NLGN2: variants seen among roughly 807,000 people sequenced by gnomAD.
The protein encoded by NLGN2 is neuroligin-2.
In NLGN2, 11 loss-of-function variants were observed where a neutral mutation model predicts 48.6. The ratio of observed to expected loss-of-function variants is 0.23; its 90% confidence interval spans 0.14 to 0.37. The LOEUF is 0.37. Among genes scored for constraint, NLGN2 ranks in the 10% least tolerant of loss-of-function variants. The pLI is 1.00. For missense variants in NLGN2, 801 were observed against 1,225.2 expected (o/e 0.65, Z 5.17); for synonymous variants, 548 against 550.0 (o/e 1.00, Z 0.05).
Position 7,419,320 on chromosome 17 carries a change from T to C in NLGN2, c.*1521T>C, listed in dbSNP as rs528580851. ...CAGGAATAATTTGAAATGTGTGAGG[T>C]GACTCCCCGGAGGGCCTTGGGCTTG... On this transcript the variant is annotated 3_prime_UTR_variant, in exon 7 of 7. Transcript: ENST00000302926. The C allele has an allele frequency of 6.5e-4, 100 of 152,730 alleles. No individual in the cohort carries two copies. Among genetic ancestry groups the C allele is most frequent in the Non-Finnish European group, 8.7e-4 (59 of 68,162 alleles). The allele number at this position is 152,730 out of a possible 1,614,324, so 9.5% of individuals were successfully genotyped here.
chr17:7,409,215 A>G (rs1470534265), intron 1 of NLGN2, among the ~76,000 whole-genome samples: 5 of 152,078 alleles, frequency 3.3e-5, no homozygotes, highest in African/African-American at 1.2e-4. Context: ...CCTTCCATCT[A>G]TCACATCATG....
At position 7,408,225 on chromosome 17, in the gene NLGN2, C is replaced by T; in HGVS notation, c.-31C>T. ...TCTCTCTCTCCGAGGGGGGGGGGTC[C>T]CAGGGAGGGAGGGGGGGTCCCCCGA... On this transcript the variant is annotated 5_prime_UTR_variant, in exon 1 of 7. Transcript: ENST00000302926. This position sits in a 1 kb window ranked among gnomAD's most constrained non-coding sequence, Gnocchi z 7.5. The T allele has an allele frequency of 2.5e-6, 3 of 1,185,426 alleles. No homozygotes were observed. Among genetic ancestry groups the T allele is most frequent in the Non-Finnish European group, 3.2e-6 (3 of 924,172 alleles). 73.4% of individuals were successfully genotyped at this position (1,185,426 alleles called of 1,614,324 possible).
rs762034161 is a variant in NLGN2 at position 7,417,612 on chromosome 17, G to A, written c.2321G>A (p.Arg774His). ...ACPPDYTLAL[R>H]RAPDDVPLLA... is the part of the protein sequence containing the mutation. ...CCGCCCGACTACACCCTGGCCCTGC[G>A]CCGGGCACCGGACGATGTGCCTCTC... The change falls in exon 7 of 7, where the codon CGC becomes CAC. Residue 774 changes from arginine to histidine, a missense_variant. Arg to His is a conservative substitution (Grantham distance 29). This residue lies in a region of NLGN2 where 276 missense variants were observed against 313.9 expected (regional missense o/e 0.88). Transcript: ENST00000302926. 2 of 1,419,516 alleles carry A rather than the reference G, an allele frequency of 1.4e-6. No individual in the cohort carries two copies. The highest frequency in any genetic ancestry group is 2.8e-5 in the East Asian group (1 of 35,822). 87.9% of individuals were successfully genotyped at this position (1,419,516 alleles called of 1,614,324 possible).
upstream of NLGN2, among the ~76,000 whole-genome samples, chr17:7,406,409 A>T (rs1906640450): frequency 6.6e-6 from 1 of 151,768 alleles, no homozygotes; most frequent in Admixed American, 6.6e-5. Context: ...ATGGTAGCTG[A>T]GCCCAGTCTG....
In NLGN2 at chr17:7,408,575, C is replaced by G; in HGVS notation, c.320C>G (p.Pro107Arg). ...RNATTLPPAC[P>R]QNLHGALPAI... ...GCCACCACCCTGCCGCCCGCCTGCC[C>G]GCAGAACCTGCACGGGGCGCTGCCC... The change falls in exon 1 of 7, where the codon CCG (proline) becomes CGG (arginine). Residue 107 changes from proline to arginine, a missense_variant. Pro to Arg is a moderately radical substitution (Grantham distance 103). Coordinates refer to ENST00000302926, the MANE Select transcript of NLGN2 (RefSeq NM_020795.4). The surrounding 1 kb of genome is among the most constrained non-coding windows in gnomAD (Gnocchi z 7.5). 1 of 1,560,592 alleles carries G rather than the reference C, an allele frequency of 6.4e-7. No individual in the cohort carries two copies. Among genetic ancestry groups the G allele is most frequent in the African/African-American group, 1.4e-5 (1 of 73,512 alleles).
chr17:7,405,943 G>T (rs1445930620), upstream of NLGN2, among the ~76,000 whole-genome samples: 2 of 152,186 alleles, frequency 1.3e-5, no homozygotes, highest in African/African-American at 4.8e-5. The surrounding 1 kb of genome is among the most constrained non-coding windows in gnomAD (Gnocchi z 6.8). Flanking sequence ...CCGGCTGGGG[G>T]AGTCAGGCCT....
rs1031210850 is a variant in NLGN2 at position 7,408,321 on chromosome 17, C to T, written c.66C>T (p.Gly22=). ...AGAQRGGGGP[G]GGAPGGPGLG... ...CTCAACGCGGGGGAGGGGGTCCCGG[C>T]GGCGGCGCCCCGGGCGGCCCCGGCC... The change falls in exon 1 of 7, where the codon GGC becomes GGT. Residue 22 remains glycine, a synonymous_variant. Transcript: ENST00000302926. The surrounding 1 kb of genome is among the most constrained non-coding windows in gnomAD (Gnocchi z 7.5). 6 of 1,393,528 alleles carry T rather than the reference C, an allele frequency of 4.3e-6. No individual in the cohort carries two copies. Among genetic ancestry groups the T allele is most frequent in the Admixed American group, 3.7e-5 (1 of 27,110 alleles). 86.3% of individuals were successfully genotyped at this position (1,393,528 alleles called of 1,614,324 possible).
chr17:7,414,307 GA>G (rs1445314911), intron 2 of NLGN2, 36 bp from the exon 3 acceptor site: 1 of 1,502,062 alleles, frequency 6.7e-7, no homozygotes, highest in Admixed American at 2.0e-5. Context: ...CCTTGTCCCT[GA>G]CCCCCTGGCC....
rs1320276351 is a variant in NLGN2, at chr17:7,417,964, C to T, written c.*165C>T. On this transcript the variant is annotated 3_prime_UTR_variant, in exon 7 of 7. Transcript: ENST00000302926. ...CTCCCTGCGATGCGTGTCTTTCCCA[C>T]GCAGAGAAGCCCAGTCTCTTCTCTG... 5 of 538,062 alleles carry T rather than the reference C, an allele frequency of 9.3e-6. No homozygotes were observed. Among genetic ancestry groups the T allele is most frequent in the Non-Finnish European group, 1.1e-5 (4 of 354,484 alleles). The allele number at this position is 538,062 out of a possible 1,614,324, so 33.3% of individuals were successfully genotyped here.
chr17:7,418,986 G>C lies in NLGN2; in HGVS notation c.*1187G>C, dbSNP rs888151257. 1 of 152,318 alleles carries C rather than the reference G, an allele frequency of 6.6e-6. No homozygotes were observed. The highest frequency in any genetic ancestry group is 2.4e-5 in the African/African-American group (1 of 41,448). The allele number at this position is 152,318 out of a possible 1,614,324, so 9.4% of individuals were successfully genotyped here. On this transcript the variant is annotated 3_prime_UTR_variant, in exon 7 of 7. Transcript: ENST00000302926. ...AGGATACAGGGCGAGGGATGTGGCA[G>C]GTGAGGGGGCTCCCGCCTGTGCCCC...
At position 7,408,317 on chromosome 17, in the gene NLGN2, CCGG is replaced by C. The variant is rs1158529124; in HGVS notation, c.71_73del (p.Gly24del). 2 of 1,388,140 alleles carry C rather than the reference CCGG, an allele frequency of 1.4e-6. No homozygotes were observed. Among genetic ancestry groups the C allele is most frequent in the Non-Finnish European group, 1.9e-6 (2 of 1,080,792 alleles). 86.0% of individuals were successfully genotyped at this position (1,388,140 alleles called of 1,614,324 possible). A position where few individuals can be genotyped will look rare whatever the true frequency, so the allele number is the denominator to read the frequency against. On this transcript the variant is annotated inframe_deletion, in exon 1 of 7. Transcript: ENST00000302926. The surrounding 1 kb of genome is among the most constrained non-coding windows in gnomAD (Gnocchi z 7.5). ...GGGGCTCAACGCGGGGGAGGGGGTC[CCGG>C]CGGCGGCGCCCCGGGCGGCCCCGGC...
upstream of NLGN2, among the ~76,000 whole-genome samples, chr17:7,407,396 G>C (rs1410467048): frequency 6.6e-6 from 1 of 152,176 alleles, no homozygotes; most frequent in Non-Finnish European, 1.5e-5. Flanking sequence ...GGGGTCGCAG[G>C]CAGCACAAAT....
Position 7,417,422 on chromosome 17 carries a change from C to G in NLGN2, c.2131C>G (p.Arg711Gly). 1 of 1,605,488 alleles carries G rather than the reference C, an allele frequency of 6.2e-7. No homozygotes were observed. The highest frequency in any genetic ancestry group is 2.2e-5 in the East Asian group (1 of 44,504). ...RDRRQELRCR[R>G]LSPPGGSGSG... ...CCGGCGGCAGGAGCTGCGGTGCAGGCGGCTTAGCCCACCTGGCGGCTCAGG... is the reference window on the plus strand; with the variant it reads ...CCGGCGGCAGGAGCTGCGGTGCAGGGGGCTTAGCCCACCTGGCGGCTCAGG... The change falls in exon 7 of 7, where the codon CGG (arginine) becomes GGG (glycine). Residue 711 changes from arginine (R) to glycine (G), a missense_variant. Arg to Gly is a moderately radical substitution (Grantham distance 125, BLOSUM62 -2). Around this residue, in one of 5 missense-constraint regions of NLGN2, gnomAD observed 276 missense variants for 313.9 expected, o/e 0.88. Coordinates refer to ENST00000302926, the MANE Select transcript of NLGN2 (RefSeq NM_020795.4).
chr17:7,414,643 C>T lies in NLGN2; in HGVS notation c.659-20C>T. On this transcript the variant is annotated intron_variant, in intron 3 of 6. Coordinates refer to ENST00000302926, the MANE Select transcript of NLGN2 (RefSeq NM_020795.4). Reference sequence around the variant, plus strand: ...GGCGCTGTGACACCTCCAGGGAGCCCTCTTCTTCTCTACTCCCAGGTTTTC... The same window carrying T: ...GGCGCTGTGACACCTCCAGGGAGCCTTCTTCTTCTCTACTCCCAGGTTTTC... 2 of 1,613,762 alleles carry T rather than the reference C, an allele frequency of 1.2e-6. No homozygotes were observed. The highest frequency in any genetic ancestry group is 1.7e-6 in the Non-Finnish European group (2 of 1,179,984).
rs116990598 is a variant in NLGN2, at chr17:7,415,601, C to T, written c.1128C>T (p.Tyr376=). ...ILMQQGEFLN[Y]DMLIGVNQGE... The stretch of plus-strand genomic sequence containing the variant: ...TGCAGCAGGGAGAATTCCTCAACTA[C>T]GACATGCTCATCGGCGTCAACCAGG... Residue 376 remains tyrosine, a synonymous_variant, in exon 6 of 7, where the codon TAC becomes TAT. Transcript: ENST00000302926. The T allele has an allele frequency of 4.4e-4, 706 of 1,613,916 alleles. 6 individuals are homozygous for T. In the East Asian group the frequency reaches 8.4e-3, roughly 19 times the overall value.
rs1414352080 is a variant in NLGN2 at position 7,419,693 on chromosome 17, G to A, written c.*1894G>A. On this transcript the variant is annotated 3_prime_UTR_variant, in exon 7 of 7. Coordinates refer to ENST00000302926, the MANE Select transcript of NLGN2 (RefSeq NM_020795.4). ...GCCCTCAGAATTGGGGCATGGGAGG[G>A]GGGCTGGGGGACCCCATGATTCAGC... 1 of 152,458 alleles carries A rather than the reference G, an allele frequency of 6.6e-6. No individual in the cohort carries two copies. The highest frequency in any genetic ancestry group is 2.4e-5 in the African/African-American group (1 of 41,454). The allele number at this position is 152,458 out of a possible 1,614,324, so 9.4% of individuals were successfully genotyped here.
At chr17:7,414,526 G>A in intron 3 of NLGN2, 33 bp downstream of exon 3, 1 of 1,611,996 alleles carries the variant, frequency 6.2e-7, no homozygotes, top group Non-Finnish European at 8.5e-7. Context: ...GGGGCTCGGG[G>A]GAGTCTGGGA....
At position 7,408,544 on chromosome 17, in the gene NLGN2, C is replaced by A; in HGVS notation, c.289C>A (p.Arg97Ser). 1 of 1,547,610 alleles carries A rather than the reference C, an allele frequency of 6.5e-7. No homozygotes were observed. The highest frequency in any genetic ancestry group is 8.7e-7 in the Non-Finnish European group (1 of 1,148,614). ...PEAPASWPGV[R>S]NATTLPPACP... ...GGCGCCCGCCTCGTGGCCCGGCGTG[C>A]GCAACGCCACCACCCTGCCGCCCGC... is the stretch of plus-strand genomic sequence containing the variant. Residue 97 changes from arginine to serine, a missense_variant, in exon 1 of 7, where the codon CGC becomes AGC. This residue lies in a region of NLGN2 where 164 missense variants were observed against 186.2 expected (regional missense o/e 0.88). Coordinates refer to ENST00000302926, the MANE Select transcript of NLGN2 (RefSeq NM_020795.4). This position sits in a 1 kb window ranked among gnomAD's most constrained non-coding sequence, Gnocchi z 7.5.
At position 7,417,560 on chromosome 17, in the gene NLGN2, C is replaced by T. The variant is rs1405476510; in HGVS notation, c.2269C>T (p.Pro757Ser). ...GCGGGGTGGTGGCGTCGGGGCGGACCCTGCCGAGGCTCTGCGCCCTGCCTG... is the reference window on the plus strand; with the variant it reads ...GCGGGGTGGTGGCGTCGGGGCGGACTCTGCCGAGGCTCTGCGCCCTGCCTG... The part of the protein sequence containing the change: ...LKRGGGVGAD[P>S]AEALRPACPP... Residue 757 changes from proline to serine, a missense_variant, in exon 7 of 7, where the codon CCT becomes TCT. By Grantham distance (74) the Pro-to-Ser change is moderately conservative. This residue lies in a region of NLGN2 where 276 missense variants were observed against 313.9 expected (regional missense o/e 0.88). Coordinates refer to ENST00000302926, the MANE Select transcript of NLGN2 (RefSeq NM_020795.4). The T allele has an allele frequency of 1.4e-6, 2 of 1,447,100 alleles. No homozygotes were observed. Among genetic ancestry groups the T allele is most frequent in the Non-Finnish European group, 9.0e-7 (1 of 1,106,528 alleles). 89.6% of individuals were successfully genotyped at this position (1,447,100 alleles called of 1,614,324 possible). A position where few individuals can be genotyped will look rare whatever the true frequency, so the allele number is the denominator to read the frequency against.
Sources: gnomAD v4.1 joint callset for allele counts (sites outside exome capture counted in the v4.1 genomes callset) on GRCh38, gnomAD v4.1.1 for gene constraint, gnomAD v4.1.1 regional missense constraint, Gnocchi (gnomAD v3.1) non-coding constraint, MANE v1.5 for transcripts, NCBI Gene and HGNC (gene_info 2026-07-23, HGNC 2026-07-21) for gene names.